The following KSR2 variants were observed in gnomAD, a reference collection of about 807,000 sequenced individuals.
KSR2 encodes the protein kinase suppressor of ras 2.
In KSR2, 25 loss-of-function variants were observed where a neutral mutation model predicts 107.8. The observed-to-expected ratio is 0.23, with a 90% CI of 0.17 to 0.32. The LOEUF is 0.32. Among genes scored for constraint, KSR2 ranks in the 10% least tolerant of loss-of-function variants. KSR2 has a pLI of 1.00. For missense variants in KSR2, 887 were observed against 1,268.9 expected, an observed-to-expected ratio of 0.70 and a Z score of 4.57; for synonymous variants, 480 against 507.0, an observed-to-expected ratio of 0.95 and a Z score of 0.71.
intron 1 of KSR2, among the ~76,000 whole-genome samples, chr12:117,876,871 G>A (rs1893871547): frequency 6.6e-6 from 1 of 151,638 alleles, no homozygotes; most frequent in South Asian, 2.1e-4. Context: ...TTTTTTTCAG[G>A]TCTTGAAATC....
chr12:117,467,972 C>G (rs1469500317), intron 19 of KSR2: 2 of 338,236 alleles, frequency 5.9e-6, no homozygotes, highest in Non-Finnish European at 1.1e-5. Context: ...GAAAGAGAAG[C>G]CTCCTGCCTT....
Position 117,670,990 on chromosome 12 carries a change from G to A in KSR2, c.987-3332C>T, listed in dbSNP as rs115840395. ...CCCTCACCTCACTCTCTTAGAACCTGCTTTTCCATCACATGCTGGAAAAGA... is the reference window on the plus strand; with the variant it reads ...CCCTCACCTCACTCTCTTAGAACCTACTTTTCCATCACATGCTGGAAAAGA... On this transcript the variant is annotated intron_variant, in intron 4 of 19. Coordinates refer to ENST00000339824, the MANE Select transcript of KSR2 (RefSeq NM_173598.6). 7.3e-3 allele frequency among the ~76,000 whole-genome samples: 1,116 copies of A among 152,208 alleles called. 13 individuals are homozygous for A. Among genetic ancestry groups the A allele is most frequent in the African/African-American group, 0.026 (1,069 of 41,524 alleles).
chr12:117,532,290 T>C (rs991619998), intron 10 of KSR2, among the ~76,000 whole-genome samples: 2 of 152,116 alleles, frequency 1.3e-5, no homozygotes, highest in Admixed American at 6.5e-5. Context: ...TCCAGGAAAA[T>C]CTATTCCTTG....
At chr12:117,759,259 G>T (rs78108044) in intron 4 of KSR2, among the ~76,000 whole-genome samples, 2 of 152,194 alleles carry the variant, frequency 1.3e-5, no homozygotes, top group Non-Finnish European at 2.9e-5. Flanking sequence ...GCCAAATTGG[G>T]CCAGGTACCT....
At chr12:117,931,528 T>C (rs1224981520) in intron 1 of KSR2, among the ~76,000 whole-genome samples, 3 of 152,134 alleles carry the variant, frequency 2.0e-5, no homozygotes, top group Non-Finnish European at 4.4e-5. Flanking sequence ...GTCCACCAAT[T>C]CTAGGAACAA....
intron 2 of KSR2, among the ~76,000 whole-genome samples, chr12:117,858,002 A>G (rs1566053430): frequency 6.6e-6 from 1 of 152,226 alleles, no homozygotes; most frequent in Non-Finnish European, 1.5e-5. Flanking sequence ...GGTCAGGTAA[A>G]TGTAAATGAG....
At chr12:117,580,554 C>T (rs1466377676) in intron 6 of KSR2, among the ~76,000 whole-genome samples, 1 of 152,186 alleles carries the variant, frequency 6.6e-6, no homozygotes, top group East Asian at 1.9e-4. Context: ...CTGATGGCAG[C>T]AGATGGGATT....
chr12:117,508,749 G>A (rs963318348), intron 14 of KSR2, among the ~76,000 whole-genome samples: 1 of 152,010 alleles, frequency 6.6e-6, no homozygotes, highest in African/African-American at 2.4e-5. Flanking sequence ...AGATAAATGA[G>A]TGGATGGGTA....
chr12:117,809,857 A>T (rs545841270), intron 3 of KSR2, among the ~76,000 whole-genome samples: 1 of 152,338 alleles, frequency 6.6e-6, no homozygotes, highest in East Asian at 1.9e-4. Context: ...TGAGAAATGG[A>T]TGGGGATGGG....
intron 5 of KSR2, among the ~76,000 whole-genome samples, chr12:117,658,003 A>G (rs1339002779): frequency 6.6e-6 from 1 of 152,276 alleles, no homozygotes; most frequent in Non-Finnish European, 1.5e-5. Flanking sequence ...TTAGAATGTC[A>G]GGCAATGCTT....
chr12:117,903,737 G>C (rs1299786991), intron 1 of KSR2, among the ~76,000 whole-genome samples: 2 of 152,206 alleles, frequency 1.3e-5, no homozygotes, highest in South Asian at 4.1e-4. Context: ...CGGGCACTGT[G>C]GCTCATGACT....
chr12:117,821,558 T>C (rs984287763), intron 3 of KSR2, among the ~76,000 whole-genome samples: 1 of 152,230 alleles, frequency 6.6e-6, no homozygotes. Flanking sequence ...TTCCAGTCAA[T>C]GGTAGGCCAT....
intron 14 of KSR2, among the ~76,000 whole-genome samples, chr12:117,487,341 T>C: frequency 6.6e-6 from 1 of 152,214 alleles, no homozygotes; most frequent in Admixed American, 6.5e-5. Context: ...CATTTTTTTC[T>C]TCATCTGCTT....
At chr12:117,559,617 T>C (rs921934472) in intron 7 of KSR2, among the ~76,000 whole-genome samples, 1 of 152,186 alleles carries the variant, frequency 6.6e-6, no homozygotes, top group Non-Finnish European at 1.5e-5. Flanking sequence ...GGGCTTCCAA[T>C]TATAATGAAA....
chr12:117,806,867 A>T (rs954111084), intron 3 of KSR2, among the ~76,000 whole-genome samples: 1 of 152,216 alleles, frequency 6.6e-6, no homozygotes, highest in African/African-American at 2.4e-5. Context: ...ACATTGAGAC[A>T]CTAGTGCTCG....
At chr12:117,653,777 T>C (rs1031249447) in intron 5 of KSR2, among the ~76,000 whole-genome samples, 4 of 152,190 alleles carry the variant, frequency 2.6e-5, no homozygotes, top group African/African-American at 9.6e-5. Context: ...AGGCAACACA[T>C]TCCTCATTTG....
chr12:117,924,919 T>C (rs1895463545), intron 1 of KSR2, among the ~76,000 whole-genome samples: 1 of 152,180 alleles, frequency 6.6e-6, no homozygotes, highest in South Asian at 2.1e-4. Flanking sequence ...AGTAGCTTTC[T>C]GTAACATTAT....
At chr12:117,539,104 C>T (rs1876270266) in intron 10 of KSR2, among the ~76,000 whole-genome samples, 1 of 152,208 alleles carries the variant, frequency 6.6e-6, no homozygotes, top group African/African-American at 2.4e-5. Context: ...GTCCAGGTAC[C>T]TTGGAATTCC....
At chr12:117,556,935 G>C (rs987514265) in intron 8 of KSR2, among the ~76,000 whole-genome samples, 3 of 152,188 alleles carry the variant, frequency 2.0e-5, no homozygotes, top group South Asian at 4.1e-4. Context: ...GGGAGGCAGA[G>C]GTGGGTGGAT....
Sources: gnomAD v4.1 joint callset for allele counts (sites outside exome capture counted in the v4.1 genomes callset) on GRCh38, gnomAD v4.1.1 for gene constraint, MANE v1.5 for transcripts, NCBI Gene and HGNC (gene_info 2026-07-23, HGNC 2026-07-21) for gene names.